SNX29: variants seen among roughly 807,000 people sequenced by gnomAD.
SNX29 encodes the protein sorting nexin 29.
A neutral mutation model predicts 102.1 loss-of-function variants in SNX29; 78 were observed. The observed-to-expected ratio is 0.76, with a 90% CI of 0.64 to 0.92. SNX29 has a LOEUF of 0.92. Among genes scored for constraint, SNX29 ranks in the 40% least tolerant of loss-of-function variants. SNX29 has a pLI of 0.00. For synonymous variants in SNX29, 580 were observed against 414.5 expected, an observed-to-expected ratio of 1.40 and a Z score of -4.85; for missense variants, 1,280 against 1,061.7, an observed-to-expected ratio of 1.21 and a Z score of -2.86.
intron 13 of SNX29, among the ~76,000 whole-genome samples, chr16:12,131,342 C>T (rs542093923): frequency 6.6e-6 from 1 of 152,308 alleles, no homozygotes; most frequent in African/African-American, 2.4e-5. Context: ...GTAAACCACC[C>T]CAGATCCCAA....
chr16:12,182,255 C>T (rs953339083), intron 13 of SNX29, among the ~76,000 whole-genome samples: 1 of 145,898 alleles, frequency 6.9e-6, no homozygotes, highest in Non-Finnish European at 1.5e-5. Context: ...CTGTCACTGT[C>T]GTCTTTCCAG....
chr16:12,029,169 T>C (rs1049992227), intron 4 of SNX29, among the ~76,000 whole-genome samples: 1 of 152,080 alleles, frequency 6.6e-6, no homozygotes, highest in African/African-American at 2.4e-5. Context: ...GAGAGGCTCC[T>C]AGATCTTTGT....
chr16:12,139,783 C>T (rs2054801526), intron 13 of SNX29, among the ~76,000 whole-genome samples: 1 of 151,922 alleles, frequency 6.6e-6, no homozygotes, highest in East Asian at 1.9e-4. Context: ...GCCCAGGAGA[C>T]CAGCCTGGGC....
chr16:12,275,132 G>A (rs892313863), intron 14 of SNX29, among the ~76,000 whole-genome samples: 13 of 152,180 alleles, frequency 8.5e-5, no homozygotes, highest in African/African-American at 2.9e-4. Flanking sequence ...CCAAAGCTCC[G>A]TGAACTTTGA....
intron 14 of SNX29, among the ~76,000 whole-genome samples, chr16:12,220,537 T>G (rs2077449551): frequency 6.6e-6 from 1 of 151,926 alleles, no homozygotes; most frequent in Non-Finnish European, 1.5e-5. Context: ...ATGGAAAGAG[T>G]GAAATGACCT....
intron 20 of SNX29, among the ~76,000 whole-genome samples, chr16:12,553,042 C>G (rs1368777426): frequency 3.3e-5 from 5 of 152,218 alleles, no homozygotes; most frequent in African/African-American, 9.7e-5. Context: ...GCTGGGGACA[C>G]TAATTGGAGA....
chr16:12,523,987 A>G (rs1321124809), intron 19 of SNX29, among the ~76,000 whole-genome samples: 3 of 152,048 alleles, frequency 2.0e-5, no homozygotes, highest in Non-Finnish European at 4.4e-5. Context: ...CCCGGGTTCA[A>G]GTGATTGTCC....
intron 19 of SNX29, among the ~76,000 whole-genome samples, chr16:12,514,921 AAAG>A (rs1249267260): frequency 1.0e-5 from 1 of 99,262 alleles, no homozygotes; most frequent in African/African-American, 4.0e-5. Context: ...AGAAAGAGAG[AAAG>A]AAAGAAAGAA....
chr16:12,275,024 T>C (rs1329955873), intron 14 of SNX29, among the ~76,000 whole-genome samples: 1 of 152,230 alleles, frequency 6.6e-6, no homozygotes, highest in African/African-American at 2.4e-5. Flanking sequence ...CTTTTCTCTG[T>C]TTATTCCTGT....
intron 11 of SNX29, among the ~76,000 whole-genome samples, chr16:12,107,571 A>G (rs1317007326): frequency 1.3e-5 from 2 of 152,134 alleles, no homozygotes; most frequent in Admixed American, 1.3e-4. Context: ...TGGGAGACAG[A>G]GGTTGCAGTG....
intron 1 of SNX29, among the ~76,000 whole-genome samples, chr16:11,985,609 CTG>C (rs2055588806): frequency 6.6e-6 from 1 of 152,214 alleles, no homozygotes; most frequent in Non-Finnish European, 1.5e-5. Flanking sequence ...CAACCCATCA[CTG>C]TGATTTTGGT....
In SNX29 at chr16:12,568,741, TGA is replaced by T. The variant is rs1162735861; in HGVS notation, c.*116_*117del. The T allele has an allele frequency of 1.7e-5, 24 of 1,448,228 alleles. No homozygotes were observed. The highest frequency in any genetic ancestry group is 2.0e-5 in the Non-Finnish European group (22 of 1,085,964). 89.7% of individuals were successfully genotyped at this position (1,448,228 alleles called of 1,614,324 possible). A position where few individuals can be genotyped will look rare whatever the true frequency, so the allele number is the denominator to read the frequency against. On this transcript the variant is annotated 3_prime_UTR_variant, in exon 21 of 21. Transcript: ENST00000566228. ...GACAACCACGTCCACCTGGTGATCCTGAGAGCACACGATTCCCAACAGTTACA... is the reference window on the plus strand; with the variant it reads ...GACAACCACGTCCACCTGGTGATCCTGAGCACACGATTCCCAACAGTTACA...
At chr16:12,225,094 GTATTGATTAA>G (rs2077575861) in intron 14 of SNX29, among the ~76,000 whole-genome samples, 1 of 152,060 alleles carries the variant, frequency 6.6e-6, no homozygotes, top group African/African-American at 2.4e-5. Context: ...AGTGCCTTTG[GTATTGATTAA>G]TATTGATTAA....
intron 18 of SNX29, chr16:12,442,851 C>T: frequency 5.4e-6 from 2 of 370,878 alleles, no homozygotes; most frequent in Non-Finnish European, 1.1e-5. Flanking sequence ...ATCTCAGCCT[C>T]ACAAGTCCTG....
At chr16:12,440,068 C>T (rs2085731213) in intron 18 of SNX29, among the ~76,000 whole-genome samples, 1 of 152,130 alleles carries the variant, frequency 6.6e-6, no homozygotes, top group East Asian at 1.9e-4. Flanking sequence ...GGAATGTCAC[C>T]CACCCCACCG....
intron 14 of SNX29, among the ~76,000 whole-genome samples, chr16:12,224,048 T>C (rs1432845962): frequency 6.6e-6 from 1 of 152,160 alleles, no homozygotes; most frequent in African/African-American, 2.4e-5. Flanking sequence ...ACCTCTTGCC[T>C]TGCCCGTGGT....
Position 12,324,721 on chromosome 16 carries a change from A to C in SNX29, c.1783-31442A>C, listed in dbSNP as rs555275668. Among the ~76,000 whole-genome samples the C allele has an allele frequency of 7.9e-5, 12 of 152,116 alleles. No homozygotes were observed. In the South Asian group the frequency reaches 2.3e-3, roughly 29 times the overall value. On this transcript the variant is annotated intron_variant, in intron 15 of 20. Transcript: ENST00000566228. ...ATTCTCGGCCCCCAGCCCATCTCCT[A>C]GTCCCTTTGATGATAAACAGTGCCA...
At chr16:12,549,768 G>A (rs765513774) in intron 20 of SNX29, among the ~76,000 whole-genome samples, 2 of 152,252 alleles carry the variant, frequency 1.3e-5, no homozygotes, top group African/African-American at 2.4e-5. Flanking sequence ...TTGGTGATTA[G>A]CAGGTGATTT....
intron 14 of SNX29, among the ~76,000 whole-genome samples, chr16:12,207,955 A>G (rs2077087522): frequency 6.6e-6 from 1 of 152,144 alleles, no homozygotes; most frequent in African/African-American, 2.4e-5. Flanking sequence ...TTAATCAAGT[A>G]CACAACAGGT....
Sources: allele counts gnomAD v4.1 joint callset (sites outside exome capture counted in the v4.1 genomes callset), GRCh38; gene constraint gnomAD v4.1.1; transcripts MANE v1.5; gene names NCBI Gene and HGNC (gene_info 2026-07-23, HGNC 2026-07-21).